The following RBM27 variants were observed in gnomAD, a reference collection of about 807,000 sequenced individuals.
RBM27 encodes the protein RNA binding motif protein 27, also known as RNA-binding protein 27.
A neutral mutation model predicts 135.3 loss-of-function variants in RBM27; 22 were observed. The observed-to-expected ratio is 0.16, with a 90% CI of 0.12 to 0.23. The LOEUF (loss-of-function observed/expected upper bound fraction) is 0.23. RBM27 is among the 10% of genes least tolerant of loss of function. The pLI, the probability that RBM27 is intolerant of heterozygous loss-of-function variation, is 1.00. For synonymous variants in RBM27, 481 were observed against 442.4 expected (o/e 1.09, Z -1.10); for missense variants, 1,009 against 1,281.0 (o/e 0.79, Z 3.24).
chr5:146,237,503 C>T, intron 8 of RBM27, 71 bp downstream of exon 8: 1 of 1,485,132 alleles, frequency 6.7e-7, no homozygotes, highest in Non-Finnish European at 9.3e-7. Context: ...TCAGTATAAC[C>T]CTTTAAAAAA....
chr5:146,269,055 G>A (rs997431985), intron 15 of RBM27, 152 bp from the exon 16 acceptor site: 1 of 507,190 alleles, frequency 2.0e-6, no homozygotes, highest in African/African-American at 1.9e-5. Flanking sequence ...TATGCTGAAA[G>A]TGTTAGGGAA....
intron 7 of RBM27, among the ~76,000 whole-genome samples, chr5:146,234,413 G>A (rs1044901735): frequency 1.3e-5 from 2 of 151,770 alleles, no homozygotes; most frequent in African/African-American, 4.8e-5. Context: ...CTTTCTTTGG[G>A]TTGGTTGGTT....
At position 146,287,942 on chromosome 5, in the gene RBM27, C is replaced by G. The variant is rs947458746; in HGVS notation, c.*1912C>G. 4 of 151,958 alleles carry G rather than the reference C, an allele frequency of 2.6e-5. No individual in the cohort carries two copies. Among genetic ancestry groups the G allele is most frequent in the African/African-American group, 9.7e-5 (4 of 41,384 alleles). 9.4% of individuals were successfully genotyped at this position (151,958 alleles called of 1,614,324 possible). On this transcript the variant is annotated 3_prime_UTR_variant, in exon 21 of 21. Coordinates refer to ENST00000265271, the MANE Select transcript of RBM27 (RefSeq NM_018989.2). ...CAGTCAGTATATATTTTGAAAGATT[C>G]ATTGTGGTGAATATTTTGAGTCCTG...
Position 146,271,528 on chromosome 5 carries a change from T to A in RBM27, c.2842T>A (p.Ser948Thr). ...ACCTGTGGGTCGAGGAAAGACCATGTCCTCTCAAGGTCGAGGAAGAGGCCG... is the reference window on the plus strand; with the variant it reads ...ACCTGTGGGTCGAGGAAAGACCATGACCTCTCAAGGTCGAGGAAGAGGCCG... ...ILPVGRGKTM[S>T]SQGRGRGRGR... Residue 948 changes from serine to threonine, a missense_variant, in exon 19 of 21, where the codon TCC becomes ACC. This residue lies in a region of RBM27 where 355 missense variants were observed against 427.3 expected (regional missense o/e 0.83). Coordinates refer to ENST00000265271, the MANE Select transcript of RBM27 (RefSeq NM_018989.2). 1.9e-6 allele frequency: 3 copies of A among 1,613,744 alleles called. No homozygotes were observed. The highest frequency in any genetic ancestry group is 2.5e-6 in the Non-Finnish European group (3 of 1,179,768).
chr5:146,230,919 T>TA lies in RBM27; in HGVS notation c.850+7dup. 1 of 1,613,424 alleles carries TA rather than the reference T, an allele frequency of 6.2e-7. No homozygotes were observed. Among genetic ancestry groups the TA allele is most frequent in the Non-Finnish European group, 8.5e-7 (1 of 1,179,468 alleles). On this transcript the variant is annotated splice_region_variant and intron_variant, in intron 6 of 20. Coordinates refer to ENST00000265271, the MANE Select transcript of RBM27 (RefSeq NM_018989.2). ...AGAGGCGATGCAGAGATTATGATGG[T>TA]AAAAATCACCACCTTTTCTCATATT... is the stretch of plus-strand genomic sequence containing the variant.
chr5:146,247,383 G>A (rs1757674457), intron 8 of RBM27, among the ~76,000 whole-genome samples: 1 of 152,084 alleles, frequency 6.6e-6, no homozygotes, highest in Non-Finnish European at 1.5e-5. Context: ...TATTCCTTGT[G>A]AAATATCCAG....
intron 2 of RBM27, among the ~76,000 whole-genome samples, chr5:146,219,606 T>C (rs759717043): frequency 2.4e-4 from 36 of 152,198 alleles, no homozygotes; most frequent in Non-Finnish European, 3.2e-4. Flanking sequence ...TCTCTGACCT[T>C]ATCTCCTATC....
intron 8 of RBM27, among the ~76,000 whole-genome samples, chr5:146,239,560 C>A (rs983842715): frequency 6.7e-6 from 1 of 148,612 alleles, no homozygotes; most frequent in Non-Finnish European, 1.5e-5. Context: ...TCCCTGCAAC[C>A]TTTGCCTCCC....
At chr5:146,277,671 C>T (rs970734396) in intron 19 of RBM27, among the ~76,000 whole-genome samples, 6 of 151,424 alleles carry the variant, frequency 4.0e-5, no homozygotes, top group African/African-American at 7.3e-5. Flanking sequence ...CACAGGCGCC[C>T]GCCACCAGGC....
chr5:146,263,673 A>G, intron 14 of RBM27, 42 bp downstream of exon 14: 1 of 1,599,118 alleles, frequency 6.3e-7, no homozygotes. Context: ...AGAATCATTC[A>G]GTGAATTAAC....
At chr5:146,280,550 T>C (rs1253679895) in intron 19 of RBM27, among the ~76,000 whole-genome samples, 3 of 152,238 alleles carry the variant, frequency 2.0e-5, no homozygotes, top group African/African-American at 7.2e-5. Flanking sequence ...CCTCTATCTA[T>C]CTTCTCTCCT....
intron 1 of RBM27, among the ~76,000 whole-genome samples, chr5:146,209,553 C>G (rs1280785163): frequency 3.3e-5 from 5 of 152,148 alleles, no homozygotes; most frequent in African/African-American, 9.7e-5. Flanking sequence ...TGGTTGAACT[C>G]TAGAGTTTAC....
intron 2 of RBM27, among the ~76,000 whole-genome samples, chr5:146,220,461 C>T (rs111310310): frequency 0.053 from 6,195 of 116,146 alleles, 193 homozygotes; most frequent in Non-Finnish European, 0.071. Context: ...GGCGACTGAG[C>T]GAGAGTCCAT....
chr5:146,269,661 G>T, intron 17 of RBM27, 77 bp downstream of exon 17: 1 of 1,002,860 alleles, frequency 1.0e-6, no homozygotes, highest in East Asian at 2.9e-5. Context: ...AAGTACAATG[G>T]GACCCTTAGG....
chr5:146,232,803 G>A (rs1756994310), intron 6 of RBM27, among the ~76,000 whole-genome samples: 1 of 152,114 alleles, frequency 6.6e-6, no homozygotes, highest in South Asian at 2.1e-4. Context: ...TCTTGACCTC[G>A]TGATCTGTCT....
intron 2 of RBM27, among the ~76,000 whole-genome samples, chr5:146,220,489 A>AAAT (rs1554078215): frequency 9.8e-4 from 103 of 104,926 alleles, no homozygotes; most frequent in African/African-American, 1.9e-3. Flanking sequence ...AAAAAAAAAA[A>AAAT]ATATATATAT....
chr5:146,226,686 T>A (rs1756691824), intron 3 of RBM27, among the ~76,000 whole-genome samples: 1 of 152,128 alleles, frequency 6.6e-6, no homozygotes, highest in Non-Finnish European at 1.5e-5. Flanking sequence ...CAGCCTGTCT[T>A]GAGTTTTAAA....
chr5:146,286,034 C>G lies in RBM27; in HGVS notation c.*4C>G, dbSNP rs1225408719. On this transcript the variant is annotated 3_prime_UTR_variant, in exon 21 of 21. Coordinates refer to ENST00000265271, the MANE Select transcript of RBM27 (RefSeq NM_018989.2). Reference sequence around the variant, plus strand: ...GTCTCGCTCATGGCGAAGATGAAATCTGATGCTAGCTGTATAATTTTTAGG... The same window carrying G: ...GTCTCGCTCATGGCGAAGATGAAATGTGATGCTAGCTGTATAATTTTTAGG... The G allele has an allele frequency of 6.3e-7, 1 of 1,589,068 alleles. No homozygotes were observed. The highest frequency in any genetic ancestry group is 8.6e-7 in the Non-Finnish European group (1 of 1,167,108).
rs768122686 is a variant in RBM27, at chr5:146,258,607, C to T, written c.1739+14C>T. 7 of 1,557,434 alleles carry T rather than the reference C, an allele frequency of 4.5e-6. No individual in the cohort carries two copies. Among genetic ancestry groups the T allele is most frequent in the South Asian group, 1.2e-5 (1 of 81,728 alleles). Reference sequence around the variant, plus strand: ...TTGGCTGGGAAAGTAAGATAATTTGCTAATTAGTAGCATCTAATTGTTATT... The same window carrying T: ...TTGGCTGGGAAAGTAAGATAATTTGTTAATTAGTAGCATCTAATTGTTATT... On this transcript the variant is annotated intron_variant, in intron 11 of 20. Coordinates refer to ENST00000265271, the MANE Select transcript of RBM27 (RefSeq NM_018989.2).
Sources: allele counts gnomAD v4.1 joint callset (sites outside exome capture counted in the v4.1 genomes callset), GRCh38; gene constraint gnomAD v4.1.1; regional missense constraint gnomAD v4.1.1; transcripts MANE v1.5; gene names NCBI Gene and HGNC (gene_info 2026-07-23, HGNC 2026-07-21).